The following PPP4R2 variants were observed in gnomAD, a reference collection of about 807,000 sequenced individuals.
The protein encoded by PPP4R2 is serine/threonine-protein phosphatase 4 regulatory subunit 2.
PPP4R2 carries 13 observed loss-of-function variants against 47.2 expected under a neutral mutation model. The ratio of observed to expected loss-of-function variants is 0.28; its 90% CI spans 0.18 to 0.44. PPP4R2 has a LOEUF of 0.44. Ranked by LOEUF, PPP4R2 falls within the 20% of genes least tolerant of loss-of-function variation. The pLI is 1.00. For synonymous variants in PPP4R2, 151 were observed against 163.3 expected (o/e 0.92, Z 0.57); for missense variants, 421 against 491.2 (o/e 0.86, Z 1.35).
chr3:73,005,894 G>A (rs184021993), intron 2 of PPP4R2, among the ~76,000 whole-genome samples: 14 of 149,666 alleles, frequency 9.4e-5, no homozygotes, highest in East Asian at 2.0e-4. Flanking sequence ...GTATTTATTC[G>A]AAATGTACAG....
At chr3:73,009,037 G>A (rs145333350) in intron 2 of PPP4R2, among the ~76,000 whole-genome samples, 59 of 152,184 alleles carry the variant, frequency 3.9e-4, no homozygotes, top group Non-Finnish European at 7.6e-4. Context: ...GATAGTGAGT[G>A]TCCTGTAAGT....
chr3:73,005,781 G>C (rs541838574), intron 2 of PPP4R2, among the ~76,000 whole-genome samples: 2 of 146,140 alleles, frequency 1.4e-5, no homozygotes, highest in Admixed American at 1.4e-4. Flanking sequence ...ACAGTGAGCC[G>C]AGCTCACGTC....
chr3:73,058,781 C>T (rs1702781385), intron 3 of PPP4R2, among the ~76,000 whole-genome samples: 1 of 151,026 alleles, frequency 6.6e-6, no homozygotes, highest in South Asian at 2.1e-4. Flanking sequence ...ACCCGTTAAC[C>T]ATTCCCCCCT....
intron 2 of PPP4R2, among the ~76,000 whole-genome samples, chr3:73,037,707 A>G (rs938720401): frequency 4.6e-5 from 7 of 152,146 alleles, no homozygotes; most frequent in Non-Finnish European, 7.3e-5. Context: ...TATATTTCCA[A>G]TTCCTTTTTC....
intron 2 of PPP4R2, among the ~76,000 whole-genome samples, chr3:73,013,335 A>T (rs912735028): frequency 6.6e-6 from 1 of 152,214 alleles, no homozygotes; most frequent in Non-Finnish European, 1.5e-5. Context: ...CATTTTGGTT[A>T]AGGAGGAATT....
intron 2 of PPP4R2, among the ~76,000 whole-genome samples, chr3:73,004,083 G>C (rs1281656361): frequency 6.6e-6 from 1 of 152,016 alleles, no homozygotes; most frequent in Non-Finnish European, 1.5e-5. Context: ...TGATCTGCCT[G>C]TCTCGGCCTC....
At chr3:73,029,795 G>A (rs1280930402) in intron 2 of PPP4R2, among the ~76,000 whole-genome samples, 1 of 152,146 alleles carries the variant, frequency 6.6e-6, no homozygotes, top group African/African-American at 2.4e-5. Context: ...AGCAGTTTGG[G>A]AAACCAGAAA....
intron 2 of PPP4R2, among the ~76,000 whole-genome samples, chr3:73,019,734 ATGAGTG>A (rs1701921381): frequency 6.6e-6 from 1 of 152,176 alleles, no homozygotes; most frequent in African/African-American, 2.4e-5. Context: ...GATTGGAGTC[ATGAGTG>A]TGAGTGGGTG....
intron 2 of PPP4R2, among the ~76,000 whole-genome samples, chr3:73,012,491 CTG>C (rs1454516253): frequency 2.0e-5 from 3 of 152,098 alleles, no homozygotes; most frequent in South Asian, 2.1e-4. Context: ...TTAGTAAAGA[CTG>C]TGTTTCACCA....
chr3:73,039,814 AG>A, intron 2 of PPP4R2, among the ~76,000 whole-genome samples: 1 of 152,286 alleles, frequency 6.6e-6, no homozygotes, highest in South Asian at 2.1e-4. Context: ...GCACTTTGGG[AG>A]GCCAAGGCGG....
chr3:73,013,156 A>T (rs1021526329), intron 2 of PPP4R2, among the ~76,000 whole-genome samples: 9 of 152,174 alleles, frequency 5.9e-5, no homozygotes, highest in African/African-American at 2.2e-4. Flanking sequence ...TGCTTTTGGT[A>T]GGATATGGCT....
At chr3:73,043,505 A>G (rs1324392743) in intron 2 of PPP4R2, among the ~76,000 whole-genome samples, 1 of 152,194 alleles carries the variant, frequency 6.6e-6, no homozygotes, top group African/African-American at 2.4e-5. Flanking sequence ...TACCTTTCTG[A>G]GGAACTGCCC....
chr3:73,052,995 T>A (rs1332912168), intron 3 of PPP4R2, among the ~76,000 whole-genome samples: 1 of 152,256 alleles, frequency 6.6e-6, no homozygotes, highest in African/African-American at 2.4e-5. Flanking sequence ...ATTTTCAGTT[T>A]GTGTGTTGTT....
At chr3:73,035,031 A>G (rs1417224705) in intron 2 of PPP4R2, among the ~76,000 whole-genome samples, 3 of 152,204 alleles carry the variant, frequency 2.0e-5, no homozygotes, top group South Asian at 2.1e-4. Flanking sequence ...TTTGCCAACT[A>G]TCTTTCTGAC....
At chr3:73,052,009 C>T (rs1029453563) in intron 3 of PPP4R2, among the ~76,000 whole-genome samples, 4 of 152,080 alleles carry the variant, frequency 2.6e-5, no homozygotes, top group African/African-American at 9.7e-5. Flanking sequence ...TTCTGGAGAG[C>T]TGGGGTAACA....
intron 2 of PPP4R2, among the ~76,000 whole-genome samples, chr3:73,031,826 G>A (rs1424901262): frequency 6.6e-6 from 1 of 152,144 alleles, no homozygotes; most frequent in East Asian, 1.9e-4. Flanking sequence ...TATATCTACT[G>A]TATTACTCAG....
chr3:73,064,263 G>A (rs1392711524), intron 7 of PPP4R2, 117 bp downstream of exon 7: 12 of 858,864 alleles, frequency 1.4e-5, no homozygotes, highest in African/African-American at 6.9e-5. Flanking sequence ...GTTTTCATGC[G>A]GTTTATAGGA....
At chr3:73,059,901 C>CTCCA (rs888811462) in intron 4 of PPP4R2, among the ~76,000 whole-genome samples, 1 of 146,198 alleles carries the variant, frequency 6.8e-6, no homozygotes, top group African/African-American at 2.6e-5. Context: ...CACCATTGCA[C>CTCCA]TCCAGCCTGG....
At chr3:73,039,116 A>G (rs1185194394) in intron 2 of PPP4R2, among the ~76,000 whole-genome samples, 1 of 152,200 alleles carries the variant, frequency 6.6e-6, no homozygotes, top group African/African-American at 2.4e-5. Flanking sequence ...CATTTCATTT[A>G]TATAAAAAAC....
Sources: gnomAD v4.1 joint callset for allele counts (sites outside exome capture counted in the v4.1 genomes callset) on GRCh38, gnomAD v4.1.1 for gene constraint, MANE v1.5 for transcripts, NCBI Gene and HGNC (gene_info 2026-07-23, HGNC 2026-07-21) for gene names.